NEB: variants seen among roughly 807,000 people sequenced by gnomAD.
NEB encodes nemaline myopathy type 2.
Under a neutral mutation model 952.2 loss-of-function variants are expected in NEB, and 512 were observed. That is an observed-to-expected ratio of 0.54 (90% CI 0.50 to 0.58). The LOEUF (loss-of-function observed/expected upper bound fraction) is 0.58, where lower values mean the gene tolerates loss of function less well. Among genes scored for constraint, NEB ranks in the 20% least tolerant of loss-of-function variants. The pLI, the probability that NEB is intolerant of heterozygous loss-of-function variation, is 0.00. For synonymous variants in NEB, 2,900 were observed against 3,149.8 expected (o/e 0.92, Z 2.66); for missense variants, 8,428 against 9,231.1 (o/e 0.91, Z 3.56).
At chr2:151,548,552 G>A (rs1411186319) in intron 130 of NEB, 137 bp from the exon 131 acceptor site, 1 of 608,720 alleles carries the variant, frequency 1.6e-6, no homozygotes, top group East Asian at 2.9e-5. Flanking sequence ...AAAAGTCATT[G>A]ACAAAATTTC....
intron 36 of NEB, among the ~76,000 whole-genome samples, chr2:151,673,642 T>C (rs961644874): frequency 2.0e-5 from 3 of 151,980 alleles, no homozygotes; most frequent in Non-Finnish European, 4.4e-5. Flanking sequence ...TTCTTTCTTC[T>C]CTTTTCTCAA....
chr2:151,657,605 C>A (rs993023947), intron 48 of NEB, among the ~76,000 whole-genome samples: 2 of 152,156 alleles, frequency 1.3e-5, no homozygotes, highest in Admixed American at 1.3e-4. Flanking sequence ...ATGATCAGCA[C>A]CCTTGCATAC....
chr2:151,640,438 T>G lies in NEB; in HGVS notation c.8602A>C (p.Lys2868Gln). ...CQTLVSDVDYKNYLHQWTCLP... is the reference protein window; with the variant it reads ...CQTLVSDVDYQNYLHQWTCLP... ...CATGTCCACTGGTGCAGGTAGTTCT[T>G]GTAGTCCACATCGCTGACTAAGGTC... Residue 2868 changes from lysine (K) to glutamine (Q), a missense_variant, in exon 61 of 182, where the codon AAG becomes CAG. Physicochemically the swap from Lys to Gln is moderately conservative, Grantham distance 53. This residue lies in a region of NEB where 1,772 missense variants were observed against 1,960.3 expected (regional missense o/e 0.90). Coordinates refer to ENST00000397345, the MANE Select transcript of NEB (RefSeq NM_001164508.2). 6.2e-7 allele frequency: 1 copy of G among 1,613,984 alleles called. No individual in the cohort carries two copies. Among genetic ancestry groups the G allele is most frequent in the Non-Finnish European group, 8.5e-7 (1 of 1,179,876 alleles).
intron 55 of NEB, 97 bp from the exon 56 acceptor site, chr2:151,644,672 T>C: frequency 4.0e-6 from 4 of 992,814 alleles, no homozygotes; most frequent in South Asian, 1.3e-5. Flanking sequence ...TCCATGAGAA[T>C]AGCATCTGTG....
At position 151,631,363 on chromosome 2, in the gene NEB, A is replaced by C; in HGVS notation, c.9415-17T>G. On this transcript the variant is annotated splice_polypyrimidine_tract_variant and intron_variant, in intron 65 of 181. Coordinates refer to ENST00000397345, the MANE Select transcript of NEB (RefSeq NM_001164508.2). ...GTAAATATTCTGAGCAGAGGAAAAAAGTCAAAAACTCTTCATCAAGACCAC... is the reference window on the plus strand; with the variant it reads ...GTAAATATTCTGAGCAGAGGAAAAACGTCAAAAACTCTTCATCAAGACCAC... The C allele has an allele frequency of 6.2e-7, 1 of 1,601,722 alleles. No individual in the cohort carries two copies. The highest frequency in any genetic ancestry group is 1.7e-4 in the Middle Eastern group (1 of 6,036).
intron 25 of NEB, 67 bp downstream of exon 25, chr2:151,688,225 T>C: frequency 1.5e-6 from 2 of 1,291,204 alleles, no homozygotes; most frequent in South Asian, 1.3e-5. Context: ...GTCTTGTCTT[T>C]TAAAATTTAA....
intron 67 of NEB, among the ~76,000 whole-genome samples, chr2:151,629,867 A>AT (rs2098626852): frequency 6.6e-6 from 1 of 152,148 alleles, no homozygotes; most frequent in South Asian, 2.1e-4. Context: ...ATAGTGATAT[A>AT]TTAACCTATT....
chr2:151,566,430 G>T (rs1288440214), intron 114 of NEB, among the ~76,000 whole-genome samples: 2 of 152,188 alleles, frequency 1.3e-5, no homozygotes, highest in African/African-American at 4.8e-5. Context: ...GAGGTCAGAT[G>T]TTCAAGTTCA....
In NEB at chr2:151,555,803, C is replaced by A. The variant is rs80347254; in HGVS notation, c.19315-759G>T. 1.7e-4 allele frequency among the ~76,000 whole-genome samples: 26 copies of A among 150,578 alleles called. No homozygotes were observed. In the East Asian group the frequency reaches 5.1e-3, roughly 29 times the overall value. ...AAATTTCCACTAGATTTTTCCAAAA[C>A]AGAAAATCAGCTTCTTACATCTAAT... On this transcript the variant is annotated intron_variant, in intron 124 of 181. Transcript: ENST00000397345.
At position 151,601,501 on chromosome 2, in the gene NEB, C is replaced by T. The variant is rs2097537629; in HGVS notation, c.13476+400G>A. Among the ~76,000 whole-genome samples, 2 of 112,352 alleles carry T rather than the reference C, an allele frequency of 1.8e-5. 1 individual carries two copies. Among genetic ancestry groups the T allele is most frequent in the African/African-American group, 7.3e-5 (2 of 27,586 alleles). The allele number at this position is 112,352 out of a possible 152,430, so 73.7% of individuals were successfully genotyped here. ...GGAAAAAAACAGTATATTTCTAGCA[C>T]ACATTAAAACAACCATATAACTATT... On this transcript the variant is annotated intron_variant, in intron 88 of 181. Coordinates refer to ENST00000397345, the MANE Select transcript of NEB (RefSeq NM_001164508.2).
chr2:151,545,557 A>G (rs1443309012), intron 135 of NEB, among the ~76,000 whole-genome samples: 2 of 152,124 alleles, frequency 1.3e-5, no homozygotes, highest in Non-Finnish European at 2.9e-5. Context: ...ACTGGGCAAC[A>G]AGAGCAAAAC....
In NEB at chr2:151,650,870, C is replaced by T. The variant is rs757526825; in HGVS notation, c.6931G>A (p.Gly2311Ser). The change falls in exon 53 of 182, where the codon GGC (glycine) becomes AGC (serine). Residue 2311 changes from glycine to serine, a missense_variant. Transcript: ENST00000397345. Reference sequence around the variant, plus strand: ...TGGTGGCCAAGTTGCTTTCGGTAGCCTTGTTTGTATTTATACTGAAATCAG... The same window carrying T: ...TGGTGGCCAAGTTGCTTTCGGTAGCTTTGTTTGTATTTATACTGAAATCAG... Reference protein sequence around the residue: ...DIASDYKYKQGYRKQLGHHVG... With the variant: ...DIASDYKYKQSYRKQLGHHVG... The T allele has an allele frequency of 8.1e-6, 13 of 1,611,784 alleles. No homozygotes were observed. Among genetic ancestry groups the T allele is most frequent in the Non-Finnish European group, 1.1e-5 (13 of 1,178,712 alleles).
At position 151,546,198 on chromosome 2, in the gene NEB, G is replaced by A. The variant is rs538647271; in HGVS notation, c.20466+147C>T. The A allele has an allele frequency of 2.9e-3, 2,058 of 706,032 alleles. 17 individuals are homozygous for A. The highest frequency in any genetic ancestry group is 3.1e-3 in the Non-Finnish European group (1,321 of 422,918). The allele number at this position is 706,032 out of a possible 1,614,324, so 43.7% of individuals were successfully genotyped here. On this transcript the variant is annotated intron_variant, in intron 134 of 181. Coordinates refer to ENST00000397345, the MANE Select transcript of NEB (RefSeq NM_001164508.2). The stretch of plus-strand genomic sequence containing the variant: ...CATAGGAGGCACAGATCACATTAAA[G>A]TGATAATCTGCTCAAGTGAGTTAAT...
At position 151,569,250 on chromosome 2, in the gene NEB, G is replaced by C. The variant is rs1490730426; in HGVS notation, c.17535+18C>G. 4 of 1,600,604 alleles carry C rather than the reference G, an allele frequency of 2.5e-6. No individual in the cohort carries two copies. The highest frequency in any genetic ancestry group is 3.4e-6 in the Non-Finnish European group (4 of 1,167,768). On this transcript the variant is annotated intron_variant, in intron 110 of 181. Coordinates refer to ENST00000397345, the MANE Select transcript of NEB (RefSeq NM_001164508.2). ...TCTTGGGAAATGTACTGAATGTCAG[G>C]GTAAAATCTTGGAATACCTCACTGA...
intron 36 of NEB, among the ~76,000 whole-genome samples, chr2:151,673,426 G>A (rs1268997522): frequency 6.7e-6 from 1 of 149,276 alleles, no homozygotes; most frequent in African/African-American, 2.5e-5. Context: ...AAAAATCACT[G>A]TGTAAGTGCT....
Position 151,603,390 on chromosome 2 carries a change from AT to A in NEB, c.13263+178del, listed in dbSNP as rs1209559092. On this transcript the variant is annotated intron_variant, in intron 86 of 181. Transcript: ENST00000397345. ...CCACATGTGCATTGACCAAACACTT[AT>A]CAAAGCAAATGAAATCCAGAGGCTG... Among the ~76,000 whole-genome samples, 3 of 69,146 alleles carry A rather than the reference AT, an allele frequency of 4.3e-5. No individual in the cohort carries two copies. The East Asian group carries it at 1.1e-3, about 25-fold the overall frequency. The allele number at this position is 69,146 out of a possible 152,430, so 45.4% of individuals were successfully genotyped here.
chr2:151,720,072 C>T (rs2099770114), intron 9 of NEB, among the ~76,000 whole-genome samples: 1 of 151,876 alleles, frequency 6.6e-6, no homozygotes, highest in East Asian at 1.9e-4. Context: ...TTCTCAGGAA[C>T]CTTCTTCAGA....
intron 45 of NEB, 72 bp from the exon 46 acceptor site, chr2:151,662,413 A>C: frequency 2.4e-6 from 3 of 1,266,840 alleles, no homozygotes; most frequent in Non-Finnish European, 3.2e-6. Context: ...TGTGTTTAAC[A>C]TTCTGTAACT....
chr2:151,664,422 A>G (rs919147302), intron 44 of NEB, 79 bp downstream of exon 44: 2 of 1,059,854 alleles, frequency 1.9e-6, no homozygotes, highest in Non-Finnish European at 2.7e-6. Flanking sequence ...GGAGCTGACC[A>G]CTGCTCCTAC....
Sources: allele counts gnomAD v4.1 joint callset (sites outside exome capture counted in the v4.1 genomes callset), GRCh38; gene constraint gnomAD v4.1.1; regional missense constraint gnomAD v4.1.1; transcripts MANE v1.5; gene names NCBI Gene and HGNC (gene_info 2026-07-23, HGNC 2026-07-21).